Variants in GGACT observed in about 807,000 individuals in gnomAD.
GGACT encodes the protein gamma-glutamylamine cyclotransferase.
For synonymous variants in GGACT, 118 were observed against 115.3 expected, an observed-to-expected ratio of 1.02 and a Z score of -0.15; for missense variants, 241 against 233.2, an observed-to-expected ratio of 1.03 and a Z score of -0.22.
At chr13:100,587,977 G>T (rs1875632772) in intron 1 of GGACT, among the ~76,000 whole-genome samples, 1 of 152,188 alleles carries the variant, frequency 6.6e-6, no homozygotes, top group Non-Finnish European at 1.5e-5. Context: ...AGTGAGCCGA[G>T]ATCGCGCCAC....
intron 1 of GGACT, chr13:100,586,535 C>CA (rs1254166128): frequency 1.4e-5 from 2 of 141,584 alleles, no homozygotes; most frequent in East Asian, 4.9e-4. Flanking sequence ...GCCAGTTGTT[C>CA]ACCTTTGTCT....
intron 2 of GGACT, among the ~76,000 whole-genome samples, chr13:100,553,248 C>T (rs1566533409): frequency 6.6e-6 from 1 of 152,032 alleles, no homozygotes; most frequent in Non-Finnish European, 1.5e-5. Flanking sequence ...AAAGCTGAGC[C>T]TGTGTGTCCC....
chr13:100,559,402 G>T (rs1321887994), intron 2 of GGACT, among the ~76,000 whole-genome samples: 1 of 152,132 alleles, frequency 6.6e-6, no homozygotes, highest in African/African-American at 2.4e-5. Context: ...GCCCAGGCTG[G>T]TCTTCATCTC....
intron 2 of GGACT, among the ~76,000 whole-genome samples, chr13:100,551,908 G>C (rs1323217849): frequency 5.3e-5 from 8 of 152,232 alleles, no homozygotes; most frequent in African/African-American, 1.9e-4. Flanking sequence ...CCAGTACAAA[G>C]AGGTAGGCTA....
Position 100,538,539 on chromosome 13 carries a change from C to A in GGACT, c.-10-5938G>T, listed in dbSNP as rs557706332. ...GAGTTGTGAAAAAGGTCTCCAGAAC[C>A]TTTTCATCTTGCAAAACTGAAACTT... On this transcript the variant is annotated intron_variant, in intron 2 of 2. Coordinates refer to ENST00000683975, the MANE Select transcript of GGACT (RefSeq NM_001195087.2). 4 of 152,254 alleles carry A rather than the reference C, an allele frequency of 2.6e-5. No homozygotes were observed. The South Asian group carries it at 8.3e-4, about 32-fold the overall frequency. 9.4% of individuals were successfully genotyped at this position (152,254 alleles called of 1,614,324 possible).
intron 2 of GGACT, among the ~76,000 whole-genome samples, chr13:100,581,177 A>G (rs991204184): frequency 1.3e-5 from 2 of 152,226 alleles, no homozygotes; most frequent in African/African-American, 4.8e-5. Flanking sequence ...CCATCAGCTG[A>G]GAGGACCTAA....
At chr13:100,562,021 C>T (rs568726545) in intron 2 of GGACT, among the ~76,000 whole-genome samples, 249 of 152,310 alleles carry the variant, frequency 1.6e-3, no homozygotes, top group Middle Eastern at 3.4e-3. Context: ...ACAGTGGGTT[C>T]GAAAGGACCA....
intron 1 of GGACT, among the ~76,000 whole-genome samples, chr13:100,585,643 C>T (rs542284275): frequency 7.2e-4 from 110 of 152,014 alleles, no homozygotes; most frequent in African/African-American, 2.5e-3. Context: ...TGGCATGCGC[C>T]TGTAGTCCCA....
In GGACT at chr13:100,571,422, G is replaced by A. The variant is rs79088286; in HGVS notation, c.-11+12403C>T. Among the ~76,000 whole-genome samples the A allele has an allele frequency of 4.0e-3, 616 of 152,314 alleles. 8 individuals are homozygous for A. In the East Asian group the frequency reaches 0.07, roughly 17 times the overall value. Reference sequence around the variant, plus strand: ...CTAATATCCTTCAGAACACAGATGTGTATGCTGTGCAGCAGAAGAAAGTGT... The same window carrying A: ...CTAATATCCTTCAGAACACAGATGTATATGCTGTGCAGCAGAAGAAAGTGT... On this transcript the variant is annotated intron_variant, in intron 2 of 2. Transcript: ENST00000683975.
At chr13:100,533,508 A>T (rs2088447001) in intron 2 of GGACT, 1 of 152,258 alleles carries the variant, frequency 6.6e-6, no homozygotes, top group Non-Finnish European at 1.5e-5. Context: ...ATTGCCAATA[A>T]CTATTAAAGA....
chr13:100,534,859 T>A lies in GGACT; in HGVS notation c.-10-2258A>T, dbSNP rs2153012267. Among the ~76,000 whole-genome samples the A allele has an allele frequency of 6.6e-6, 1 of 152,172 alleles. No individual in the cohort carries two copies. Among genetic ancestry groups the A allele is most frequent in the Non-Finnish European group, 1.5e-5 (1 of 67,976 alleles). On this transcript the variant is annotated intron_variant, in intron 2 of 2. Transcript: ENST00000683975. This position sits in a 1 kb window ranked among gnomAD's most constrained non-coding sequence, Gnocchi z 4.9. Reference sequence around the variant, plus strand: ...CTGCAGACTTAACTCTCCCACCTCATCTCCTGCACCCTCTCTCCCCTCATC... The same window carrying A: ...CTGCAGACTTAACTCTCCCACCTCAACTCCTGCACCCTCTCTCCCCTCATC...
intron 2 of GGACT, among the ~76,000 whole-genome samples, chr13:100,572,361 C>G (rs933147748): frequency 1.3e-5 from 2 of 152,102 alleles, no homozygotes; most frequent in Non-Finnish European, 2.9e-5. Flanking sequence ...TTCATACAGA[C>G]AGGAAACAGA....
intron 2 of GGACT, chr13:100,578,945 T>C (rs1875332132): frequency 6.6e-6 from 1 of 152,192 alleles, no homozygotes; most frequent in Non-Finnish European, 1.5e-5. Context: ...ACTCAAAAGC[T>C]TGAAAAGTAA....
chr13:100,532,092 CA>C lies in GGACT; in HGVS notation c.*37del. On this transcript the variant is annotated 3_prime_UTR_variant, in exon 3 of 3. Coordinates refer to ENST00000683975, the MANE Select transcript of GGACT (RefSeq NM_001195087.2). ...ATGGGCTGGGCGCATCTTGGAGCCC[CA>C]GGGCTCTCAAACCTAGGCCCACCCT... 7.2e-7 allele frequency: 1 copy of C among 1,393,628 alleles called. No homozygotes were observed. Among genetic ancestry groups the C allele is most frequent in the Non-Finnish European group, 9.4e-7 (1 of 1,058,706 alleles). 86.3% of individuals were successfully genotyped at this position (1,393,628 alleles called of 1,614,324 possible). A position where few individuals can be genotyped will look rare whatever the true frequency, so the allele number is the denominator to read the frequency against.
chr13:100,532,335 G>A lies in GGACT; in HGVS notation c.257C>T (p.Ala86Val). ...RFLDDFESCP[A>V]LYQRTVLRVQ... ...CCGCAGCACCGTGCGCTGGTACAGGGCCGGGCAACTCTCGAAGTCATCCAG... is the reference window on the plus strand; with the variant it reads ...CCGCAGCACCGTGCGCTGGTACAGGACCGGGCAACTCTCGAAGTCATCCAG... Residue 86 changes from alanine (A) to valine (V), a missense_variant, in exon 3 of 3, where the codon GCC (alanine) becomes GTC (valine). Coordinates refer to ENST00000683975, the MANE Select transcript of GGACT (RefSeq NM_001195087.2). 2 of 1,550,502 alleles carry A rather than the reference G, an allele frequency of 1.3e-6. No individual in the cohort carries two copies. The highest frequency in any genetic ancestry group is 1.7e-6 in the Non-Finnish European group (2 of 1,146,558).
intron 2 of GGACT, among the ~76,000 whole-genome samples, chr13:100,551,197 T>G (rs837312): frequency 0.012 from 1,763 of 151,702 alleles, 33 homozygotes; most frequent in African/African-American, 0.041. Context: ...GGCAGGAGAA[T>G]GGCATGAATC....
rs1049708105 is a variant in GGACT, at chr13:100,532,416, G to A, written c.176C>T (p.Ser59Leu). 5 of 1,550,050 alleles carry A rather than the reference G, an allele frequency of 3.2e-6. No individual in the cohort carries two copies. Among genetic ancestry groups the A allele is most frequent in the Non-Finnish European group, 4.4e-6 (5 of 1,146,618 alleles). Reference protein sequence around the residue: ...NIPWLLHLPGSGRLVEGEVYA... With the variant: ...NIPWLLHLPGLGRLVEGEVYA... ...GACCTCGCCCTCCACGAGGCGCCCC[G>A]AGCCGGGCAGGTGCAGCAGCCACGG... The change falls in exon 3 of 3, where the codon TCG (serine) becomes TTG (leucine). Residue 59 changes from serine (S) to leucine (L), a missense_variant. Transcript: ENST00000683975.
chr13:100,557,442 C>T (rs2088718406), intron 2 of GGACT, among the ~76,000 whole-genome samples: 1 of 152,126 alleles, frequency 6.6e-6, no homozygotes, highest in Admixed American at 6.5e-5. Context: ...ATCAATGGTA[C>T]AGAACAGAGT....
At chr13:100,543,197 C>CCCTTTT (rs2088570422) in intron 2 of GGACT, among the ~76,000 whole-genome samples, 1 of 69,888 alleles carries the variant, frequency 1.4e-5, no homozygotes, top group African/African-American at 6.2e-5. Flanking sequence ...AAGACACCAG[C>CCCTTTT]TTTTTTTTTT....
Sources: gnomAD v4.1 joint callset for allele counts (sites outside exome capture counted in the v4.1 genomes callset) on GRCh38, gnomAD v4.1.1 for gene constraint, Gnocchi (gnomAD v3.1) non-coding constraint, MANE v1.5 for transcripts, NCBI Gene and HGNC (gene_info 2026-07-23, HGNC 2026-07-21) for gene names.